NKAIN3: variants seen among roughly 807,000 people sequenced by gnomAD.
NKAIN3 encodes sodium/potassium-transporting ATPase subunit beta-1-interacting protein 3.
A neutral mutation model predicts 30.2 loss-of-function variants in NKAIN3; 25 were observed. The observed-to-expected ratio is 0.83, with a 90% confidence interval of 0.60 to 1.16. The LOEUF (loss-of-function observed/expected upper bound fraction) is 1.16, where lower values mean the gene tolerates loss of function less well. Ranked by LOEUF, NKAIN3 falls within the 50% of genes most tolerant of loss-of-function variation. The pLI, the probability that NKAIN3 is intolerant of heterozygous loss-of-function variation, is 0.00. For synonymous variants in NKAIN3, 91 were observed against 89.6 expected (o/e 1.02, Z -0.09); for missense variants, 225 against 254.1 (o/e 0.89, Z 0.78).
At chr8:62,811,141 A>G (rs1415318438) in intron 4 of NKAIN3, among the ~76,000 whole-genome samples, 1 of 152,066 alleles carries the variant, frequency 6.6e-6, no homozygotes, top group Non-Finnish European at 1.5e-5. Context: ...TTACAAATGG[A>G]CTCATACAGT....
rs1411569452 is a variant in NKAIN3 at position 62,843,361 on chromosome 8, G to A, written c.472-75092G>A. ...TTATTTATTTATTTTTTTTGAGACA[G>A]AGTCTCATTCGGTCACCTAGGCTAG... On this transcript the variant is annotated intron_variant, in intron 4 of 6. Coordinates refer to ENST00000623646, the MANE Select transcript of NKAIN3 (RefSeq NM_001304533.3). 2.0e-5 allele frequency among the ~76,000 whole-genome samples: 3 copies of A among 150,954 alleles called. No individual in the cohort carries two copies. The East Asian group carries it at 5.8e-4, about 29-fold the overall frequency.
At chr8:62,455,655 C>T (rs1196823405) in intron 1 of NKAIN3, among the ~76,000 whole-genome samples, 1 of 152,120 alleles carries the variant, frequency 6.6e-6, no homozygotes, top group Non-Finnish European at 1.5e-5. Flanking sequence ...TGTACTTGTA[C>T]CCCCTGAACC....
intron 3 of NKAIN3, among the ~76,000 whole-genome samples, chr8:62,678,605 T>C (rs2130409784): frequency 6.6e-6 from 1 of 151,742 alleles, no homozygotes; most frequent in East Asian, 1.9e-4. Context: ...TTCAAACATA[T>C]TAGTACCATC....
chr8:62,987,377 AGT>A (rs1824224245), downstream of NKAIN3, among the ~76,000 whole-genome samples: 1 of 152,104 alleles, frequency 6.6e-6, no homozygotes, highest in African/African-American at 2.4e-5. Flanking sequence ...CAGGAGGTGG[AGT>A]ATATTAGGCT....
chr8:62,866,216 G>A (rs1302960575), intron 4 of NKAIN3, among the ~76,000 whole-genome samples: 1 of 152,100 alleles, frequency 6.6e-6, no homozygotes, highest in African/African-American at 2.4e-5. Context: ...AAAGAGAAAT[G>A]TGTTCATTGT....
chr8:62,854,298 G>T (rs765386235), intron 4 of NKAIN3, among the ~76,000 whole-genome samples: 2 of 152,246 alleles, frequency 1.3e-5, no homozygotes, highest in African/African-American at 2.4e-5. Flanking sequence ...TGTCAGTGAG[G>T]TGTTAAAATC....
chr8:62,822,668 T>C (rs1818884492), intron 4 of NKAIN3, among the ~76,000 whole-genome samples: 1 of 152,198 alleles, frequency 6.6e-6, no homozygotes, highest in South Asian at 2.1e-4. Flanking sequence ...ATATTCAACC[T>C]GCACTGTTAT....
At chr8:62,444,615 T>C (rs899088718) in intron 1 of NKAIN3, among the ~76,000 whole-genome samples, 6 of 152,210 alleles carry the variant, frequency 3.9e-5, no homozygotes, top group Admixed American at 6.5e-5. Flanking sequence ...CTTTATCCAT[T>C]AATGGACAAT....
At chr8:62,696,042 A>C in intron 3 of NKAIN3, among the ~76,000 whole-genome samples, 1 of 152,182 alleles carries the variant, frequency 6.6e-6, no homozygotes, top group East Asian at 1.9e-4. Flanking sequence ...TAAATATACA[A>C]GTTTTTATAT....
intron 4 of NKAIN3, among the ~76,000 whole-genome samples, chr8:62,764,982 C>T (rs376108840): frequency 6.6e-5 from 10 of 152,088 alleles, no homozygotes; most frequent in African/African-American, 9.7e-5. Flanking sequence ...TGGTGGCTCA[C>T]GCCTGTAGTC....
At chr8:62,499,805 G>GGTTT (rs3059049) in intron 1 of NKAIN3, among the ~76,000 whole-genome samples, 1 of 151,070 alleles carries the variant, frequency 6.6e-6, no homozygotes, top group African/African-American at 2.4e-5. Context: ...GCTGTGATCA[G>GGTTT]GTTTGTTTGT....
intron 4 of NKAIN3, among the ~76,000 whole-genome samples, chr8:62,806,342 GAC>G (rs776847399): frequency 1.3e-5 from 2 of 152,168 alleles, no homozygotes; most frequent in Non-Finnish European, 2.9e-5. Context: ...CTGCTATAAA[GAC>G]ACATGCATAC....
chr8:62,720,419 C>A (rs944123092), intron 3 of NKAIN3, among the ~76,000 whole-genome samples: 1 of 152,084 alleles, frequency 6.6e-6, no homozygotes, highest in Non-Finnish European at 1.5e-5. Context: ...AAAATAAATG[C>A]CCAAACAATA....
At chr8:62,428,691 A>G (rs1399320617) in intron 1 of NKAIN3, among the ~76,000 whole-genome samples, 2 of 151,770 alleles carry the variant, frequency 1.3e-5, no homozygotes, top group African/African-American at 4.8e-5. Context: ...TTTTAAAATC[A>G]TGTTATTTGT....
At chr8:62,319,159 T>C (rs575630494) in intron 1 of NKAIN3, among the ~76,000 whole-genome samples, 6 of 152,356 alleles carry the variant, frequency 3.9e-5, no homozygotes, top group African/African-American at 1.4e-4. Context: ...AGTTTCTATT[T>C]CTGTGGGATC....
intron 3 of NKAIN3, among the ~76,000 whole-genome samples, chr8:62,622,052 A>T (rs1586018706): frequency 6.6e-6 from 1 of 152,164 alleles, no homozygotes; most frequent in East Asian, 1.9e-4. Context: ...ATTTTATAGC[A>T]TATAGCCTTT....
intron 1 of NKAIN3, among the ~76,000 whole-genome samples, chr8:62,324,300 A>G (rs2129589630): frequency 6.6e-6 from 1 of 152,278 alleles, no homozygotes; most frequent in Non-Finnish European, 1.5e-5. Context: ...TGAAAAAGAA[A>G]GAACATAAAT....
At chr8:62,848,034 C>T (rs1317348741) in intron 4 of NKAIN3, among the ~76,000 whole-genome samples, 1 of 152,118 alleles carries the variant, frequency 6.6e-6, no homozygotes, top group African/African-American at 2.4e-5. Context: ...TTCCATTGGT[C>T]TATGTGTCTG....
chr8:62,889,875 G>T (rs1206895099), intron 4 of NKAIN3, among the ~76,000 whole-genome samples: 1 of 152,026 alleles, frequency 6.6e-6, no homozygotes, highest in East Asian at 1.9e-4. Flanking sequence ...TGAAAAGAAA[G>T]AAAATATATC....
Sources: gnomAD v4.1 joint callset for allele counts (sites outside exome capture counted in the v4.1 genomes callset) on GRCh38, gnomAD v4.1.1 for gene constraint, MANE v1.5 for transcripts, NCBI Gene and HGNC (gene_info 2026-07-23, HGNC 2026-07-21) for gene names.